LYZL4: variants seen among roughly 807,000 people sequenced by gnomAD.
LYZL4 encodes lysozyme like 4.
A neutral mutation model predicts 17.6 loss-of-function variants in LYZL4; 13 were observed. That is an observed-to-expected ratio of 0.74 (90% CI 0.48 to 1.18). The LOEUF (loss-of-function observed/expected upper bound fraction) is 1.18. Among genes scored for constraint, LYZL4 ranks in the 50% most tolerant of loss-of-function variants. The pLI, the probability that LYZL4 is intolerant of heterozygous loss-of-function variation, is 0.00. For missense variants in LYZL4, 174 were observed against 188.2 expected (o/e 0.92, Z 0.44); for synonymous variants, 64 against 67.7 (o/e 0.95, Z 0.27).
the LYZL4 span, among the ~76,000 whole-genome samples, chr3:42,389,424 C>T: frequency 6.6e-6 from 1 of 152,182 alleles, no homozygotes; most frequent in Non-Finnish European, 1.5e-5. Flanking sequence ...TGACTCCCTG[C>T]ACCACAGGCG....
At chr3:42,410,079 G>A (rs1367774523) in intron 1 of LYZL4, among the ~76,000 whole-genome samples, 1 of 151,962 alleles carries the variant, frequency 6.6e-6, no homozygotes. Flanking sequence ...CAAAGAAGAC[G>A]GTCTTTATTT....
chr3:42,376,660 C>T, the LYZL4 span, among the ~76,000 whole-genome samples: 3 of 152,154 alleles, frequency 2.0e-5, no homozygotes, highest in Non-Finnish European at 2.9e-5. Flanking sequence ...CTGGCGGGGG[C>T]GGATCTCTCT....
chr3:42,368,120 G>GA, the LYZL4 span, among the ~76,000 whole-genome samples: 26,285 of 152,116 alleles, frequency 0.17, 5,935 homozygotes, highest in African/African-American at 0.52. Context: ...CTGAGTTCCA[G>GA]ACACTCTTTC....
At chr3:42,362,597 A>G in the LYZL4 span, among the ~76,000 whole-genome samples, 4 of 152,202 alleles carry the variant, frequency 2.6e-5, no homozygotes, top group African/African-American at 9.6e-5. Flanking sequence ...TGGAAGGGGC[A>G]AGTCAGCTCT....
At chr3:42,365,891 GA>G in the LYZL4 span, among the ~76,000 whole-genome samples, 1 of 151,998 alleles carries the variant, frequency 6.6e-6, no homozygotes, top group Non-Finnish European at 1.5e-5. Flanking sequence ...TTGAAATAAT[GA>G]CAACTTTTGT....
the LYZL4 span, among the ~76,000 whole-genome samples, chr3:42,371,013 G>A: frequency 6.6e-6 from 1 of 152,130 alleles, no homozygotes; most frequent in Non-Finnish European, 1.5e-5. Flanking sequence ...TTCCTCCCTG[G>A]AGGACTTTGC....
chr3:42,380,523 A>G, the LYZL4 span, among the ~76,000 whole-genome samples: 1 of 152,176 alleles, frequency 6.6e-6, no homozygotes, highest in Non-Finnish European at 1.5e-5. Context: ...ATCCCTTTGT[A>G]TTAAAATCAA....
the LYZL4 span, among the ~76,000 whole-genome samples, chr3:42,369,831 C>A: frequency 6.6e-6 from 1 of 152,190 alleles, no homozygotes; most frequent in Admixed American, 6.5e-5. Flanking sequence ...AGGCTTCATG[C>A]AAGCATTTGG....
At chr3:42,406,474 A>G (rs1236311618) in intron 3 of LYZL4, among the ~76,000 whole-genome samples, 1 of 150,462 alleles carries the variant, frequency 6.6e-6, no homozygotes, top group East Asian at 1.9e-4. Context: ...AAAAAAAAAA[A>G]AAAAAAGAAA....
At chr3:42,393,380 G>C (rs1322670406), downstream of LYZL4, among the ~76,000 whole-genome samples, 1 of 151,498 alleles carries the variant, frequency 6.6e-6, no homozygotes, top group African/African-American at 2.4e-5. Context: ...GGCCCTCCTG[G>C]TGGCAGATCT....
At chr3:42,375,937 G>A in the LYZL4 span, among the ~76,000 whole-genome samples, 1 of 152,118 alleles carries the variant, frequency 6.6e-6, no homozygotes, top group Admixed American at 6.5e-5. Flanking sequence ...AGGATTAAAG[G>A]AGCTAATGAT....
At chr3:42,399,563 GA>G (rs1698617141) in intron 4 of LYZL4, among the ~76,000 whole-genome samples, 1 of 152,084 alleles carries the variant, frequency 6.6e-6, no homozygotes, top group South Asian at 2.1e-4. Context: ...ATTAATAGCT[GA>G]AAAAAAGCAA....
At chr3:42,404,213 A>T in intron 3 of LYZL4, 89 bp from the exon 4 acceptor site, 1 of 744,110 alleles carries the variant, frequency 1.3e-6, no homozygotes, top group South Asian at 1.9e-5. Context: ...TACTCACATC[A>T]GAGAGTCTTC....
chr3:42,373,608 T>C, the LYZL4 span, among the ~76,000 whole-genome samples: 3 of 152,222 alleles, frequency 2.0e-5, no homozygotes, highest in African/African-American at 4.8e-5. Context: ...ACTTTTCTCA[T>C]TGCCGGCAAT....
downstream of LYZL4, among the ~76,000 whole-genome samples, chr3:42,395,989 G>A (rs577463336): frequency 6.6e-5 from 10 of 152,204 alleles, no homozygotes; most frequent in South Asian, 2.1e-4. Flanking sequence ...TTGAACCTGC[G>A]GGGTGGAGGC....
Position 42,397,340 on chromosome 3 carries a change from G to A in LYZL4, c.372-6C>T, listed in dbSNP as rs1441289197. The A allele has an allele frequency of 6.4e-7, 1 of 1,565,626 alleles. No individual in the cohort carries two copies. The highest frequency in any genetic ancestry group is 1.7e-4 in the Middle Eastern group (1 of 6,002). ...AGTACCGGGACCAGGTGGGCCTGTG[G>A]AGAGAAGTGAACAGGAAGGGCTCCT... On this transcript the variant is annotated splice_region_variant and splice_polypyrimidine_tract_variant and intron_variant, in intron 4 of 4. Coordinates refer to ENST00000287748, the MANE Select transcript of LYZL4 (RefSeq NM_144634.4).
At chr3:42,372,516 A>G in the LYZL4 span, among the ~76,000 whole-genome samples, 1 of 152,214 alleles carries the variant, frequency 6.6e-6, no homozygotes, top group Non-Finnish European at 1.5e-5. Context: ...GTGATGCAGC[A>G]GGCTTTAATG....
chr3:42,396,842 G>A (rs1286615113), downstream of LYZL4, among the ~76,000 whole-genome samples: 3 of 152,322 alleles, frequency 2.0e-5, no homozygotes, highest in South Asian at 2.1e-4. Context: ...GTGTGGACAC[G>A]CCTTGGCTGA....
the LYZL4 span, among the ~76,000 whole-genome samples, chr3:42,386,097 T>C: frequency 1.3e-5 from 2 of 151,932 alleles, no homozygotes; most frequent in African/African-American, 4.8e-5. Flanking sequence ...CACTCCTGCA[T>C]CCTTTTTTTT....
Sources: allele counts gnomAD v4.1 joint callset (sites outside exome capture counted in the v4.1 genomes callset), GRCh38; gene constraint gnomAD v4.1.1; transcripts MANE v1.5; gene names NCBI Gene and HGNC (gene_info 2026-07-23, HGNC 2026-07-21).